The following RELN variants were observed in gnomAD, a reference collection of about 807,000 sequenced individuals.
RELN encodes reelin.
In RELN, 108 loss-of-function variants were observed where a neutral mutation model predicts 427.6. The observed-to-expected ratio is 0.25, with a 90% CI of 0.22 to 0.30. RELN has a LOEUF of 0.30. Among genes scored for constraint, RELN ranks in the 10% least tolerant of loss-of-function variants. The probability of loss-of-function intolerance (pLI) is 1.00; values close to 1 mark genes in which losing one functional copy is unlikely to be tolerated. For synonymous variants in RELN, 1,524 were observed against 1,513.4 expected, an observed-to-expected ratio of 1.01 and a Z score of -0.16; for missense variants, 3,715 against 4,302.8, an observed-to-expected ratio of 0.86 and a Z score of 3.82.
intron 1 of RELN, among the ~76,000 whole-genome samples, chr7:103,940,433 T>A (rs947945968): frequency 6.6e-6 from 1 of 152,218 alleles, no homozygotes; most frequent in African/African-American, 2.4e-5. Context: ...AAAACTACCA[T>A]ACAATGGGCA....
chr7:103,817,937 CAAAAAAAAAAA>C lies in RELN; in HGVS notation c.473+15589_473+15599del, dbSNP rs71154371. On this transcript the variant is annotated intron_variant, in intron 3 of 64. Transcript: ENST00000428762. ...TGGGTGACAGAGTAAGACTCCATCT[CAAAAAAAAAAA>C]AAAAAAAAAAAAAGAAAAGAAAAAA... Among the ~76,000 whole-genome samples the C allele has an allele frequency of 1.9e-4, 7 of 36,020 alleles. No homozygotes were observed. The South Asian group carries it at 6.9e-3, about 36-fold the overall frequency. 23.6% of individuals were successfully genotyped at this position (36,020 alleles called of 152,430 possible). A position where few individuals can be genotyped will look rare whatever the true frequency, so the allele number is the denominator to read the frequency against.
chr7:103,713,070 A>C (rs967692469), intron 8 of RELN, among the ~76,000 whole-genome samples: 2 of 152,184 alleles, frequency 1.3e-5, no homozygotes, highest in Non-Finnish European at 2.9e-5. Flanking sequence ...GGGCCACAGA[A>C]GGAGAGAATT....
intron 50 of RELN, among the ~76,000 whole-genome samples, chr7:103,512,305 A>G (rs2117068175): frequency 6.6e-6 from 1 of 152,354 alleles, no homozygotes; most frequent in East Asian, 1.9e-4. Context: ...TAATTTGGCC[A>G]AAAGTAAAAT....
intron 20 of RELN, among the ~76,000 whole-genome samples, chr7:103,612,721 T>C (rs1831989192): frequency 6.6e-6 from 1 of 152,234 alleles, no homozygotes; most frequent in Non-Finnish European, 1.5e-5. Context: ...ACTGAAAACA[T>C]CATAATATAG....
Position 103,553,774 on chromosome 7 carries a change from T to C in RELN, c.5855A>G (p.Asn1952Ser). 6 of 1,614,012 alleles carry C rather than the reference T, an allele frequency of 3.7e-6. No homozygotes were observed. The highest frequency in any genetic ancestry group is 5.1e-6 in the Non-Finnish European group (6 of 1,179,882). The change falls in exon 39 of 65, where the codon AAC (asparagine) becomes AGC (serine). Residue 1952 changes from asparagine to serine, a missense_variant. Physicochemically the swap from Asn to Ser is conservative, Grantham distance 46. This residue lies in a region of RELN where 1,310 missense variants were observed against 1,643.0 expected (regional missense o/e 0.80). Coordinates refer to ENST00000428762, the MANE Select transcript of RELN (RefSeq NM_005045.4). ...TGTATCCAAGAGCATCACAGGGTTG[T>C]TTACATTATTTCCATCGATAATGAA... is the stretch of plus-strand genomic sequence containing the variant. ...DDFIIDGNNV[N>S]NPVMLLDTFD...
chr7:103,483,104 G>T, intron 62 of RELN, 133 bp from the exon 63 acceptor site: 2 of 765,670 alleles, frequency 2.6e-6, no homozygotes, highest in Non-Finnish European at 4.5e-6. Context: ...ATTCAGATTT[G>T]CTTAGGTCAT....
intron 3 of RELN, among the ~76,000 whole-genome samples, chr7:103,828,006 A>T (rs550339988): frequency 6.6e-6 from 1 of 152,166 alleles, no homozygotes; most frequent in African/African-American, 2.4e-5. Context: ...ATCCTTATCC[A>T]TAGGTATGAA....
chr7:103,670,956 C>T (rs559859093), intron 11 of RELN, among the ~76,000 whole-genome samples: 1 of 152,014 alleles, frequency 6.6e-6, no homozygotes, highest in East Asian at 1.9e-4. Flanking sequence ...CAGAATAAAG[C>T]CTGGCTATAA....
At chr7:103,861,283 G>A (rs963297745) in intron 2 of RELN, among the ~76,000 whole-genome samples, 2 of 152,120 alleles carry the variant, frequency 1.3e-5, no homozygotes, top group East Asian at 3.9e-4. Flanking sequence ...CAAATCCCTG[G>A]TATACTAATA....
chr7:103,816,460 A>T (rs1792871685), intron 3 of RELN, among the ~76,000 whole-genome samples: 1 of 152,096 alleles, frequency 6.6e-6, no homozygotes, highest in African/African-American at 2.4e-5. Context: ...AAAAATCAAT[A>T]TGCACACAGT....
chr7:103,575,260 T>C (rs1340686546), intron 29 of RELN, among the ~76,000 whole-genome samples: 1 of 152,226 alleles, frequency 6.6e-6, no homozygotes. Flanking sequence ...AGAACCTCAA[T>C]GTCTGGCATG....
intron 43 of RELN, 74 bp from the exon 44 acceptor site, chr7:103,540,529 T>G (rs887310373): frequency 6.9e-7 from 1 of 1,447,198 alleles, no homozygotes; most frequent in Admixed American, 1.7e-5. Flanking sequence ...GACAAGCACA[T>G]GGGGTAATGC....
chr7:103,833,438 G>T (rs1793322940), intron 3 of RELN, 99 bp downstream of exon 3: 4 of 1,184,200 alleles, frequency 3.4e-6, no homozygotes, highest in Non-Finnish European at 5.0e-6. Flanking sequence ...GGTTAAACCT[G>T]TCAAAATAAA....
intron 55 of RELN, 32 bp downstream of exon 55, chr7:103,497,788 T>C (rs1828883993): frequency 2.5e-6 from 4 of 1,577,960 alleles, no homozygotes; most frequent in Non-Finnish European, 3.5e-6. Flanking sequence ...GGGAATCTGC[T>C]CCAAGGGGTG....
intron 4 of RELN, among the ~76,000 whole-genome samples, chr7:103,756,815 CAA>C (rs1791169597): frequency 6.6e-6 from 1 of 152,038 alleles, no homozygotes; most frequent in Non-Finnish European, 1.5e-5. Flanking sequence ...ATTATTTCCT[CAA>C]AAGAGAAACA....
chr7:103,514,031 AG>A (rs1460380641), intron 50 of RELN: 4 of 151,864 alleles, frequency 2.6e-5, no homozygotes, highest in Non-Finnish European at 5.9e-5. Context: ...TTTTTTTTCC[AG>A]GACATGCTAT....
intron 28 of RELN, among the ~76,000 whole-genome samples, chr7:103,575,985 C>A (rs1412458681): frequency 2.0e-5 from 3 of 152,022 alleles, no homozygotes; most frequent in African/African-American, 4.8e-5. Context: ...TCAAGAGATT[C>A]TCTTTGGGAG....
chr7:103,706,155 GC>G (rs1262243044), intron 8 of RELN, among the ~76,000 whole-genome samples: 1 of 151,712 alleles, frequency 6.6e-6, no homozygotes, highest in African/African-American at 2.4e-5. Context: ...TAACTGAGTA[GC>G]CCACCTATTT....
intron 64 of RELN, among the ~76,000 whole-genome samples, chr7:103,475,116 G>A (rs893024878): frequency 2.0e-5 from 3 of 152,020 alleles, no homozygotes; most frequent in Non-Finnish European, 2.9e-5. Flanking sequence ...AACGCCTTGA[G>A]TCCTTTCTAC....
Sources: allele counts gnomAD v4.1 joint callset (sites outside exome capture counted in the v4.1 genomes callset), GRCh38; gene constraint gnomAD v4.1.1; regional missense constraint gnomAD v4.1.1; transcripts MANE v1.5; gene names NCBI Gene and HGNC (gene_info 2026-07-23, HGNC 2026-07-21).